Variants in KNDC1 observed in about 807,000 individuals in gnomAD.
KNDC1 encodes kinase non-catalytic C-lobe domain containing 1.
Under a neutral mutation model 172.8 loss-of-function variants are expected in KNDC1, and 106 were observed. That is an observed-to-expected ratio of 0.61 (90% CI 0.52 to 0.72). The LOEUF (loss-of-function observed/expected upper bound fraction) is 0.72. Among genes scored for constraint, KNDC1 ranks in the 30% least tolerant of loss-of-function variants. The pLI is 0.00. For missense variants in KNDC1, 2,325 were observed against 2,394.5 expected (o/e 0.97, Z 0.61); for synonymous variants, 1,083 against 1,062.2 (o/e 1.02, Z -0.38).
At chr10:133,177,325 G>GGT (rs149142664) in intron 3 of KNDC1, among the ~76,000 whole-genome samples, 3,702 of 152,292 alleles carry the variant, frequency 0.024, 48 homozygotes, top group Middle Eastern at 0.034. Context: ...TATGTAGCGT[G>GGT]GTGTCATGCC....
At chr10:133,213,502 C>G in intron 24 of KNDC1, 143 bp from the exon 25 acceptor site, 1 of 674,582 alleles carries the variant, frequency 1.5e-6, no homozygotes, top group Non-Finnish European at 2.6e-6. Context: ...TGCAGCCGAC[C>G]CCTGTGGACT....
chr10:133,177,506 C>G, intron 3 of KNDC1, among the ~76,000 whole-genome samples: 1 of 149,466 alleles, frequency 6.7e-6, no homozygotes, highest in East Asian at 2.0e-4. Context: ...GTGTCATGGT[C>G]ATGTGTGTAA....
chr10:133,164,567 T>C (rs1264790293), intron 1 of KNDC1, among the ~76,000 whole-genome samples: 1 of 152,212 alleles, frequency 6.6e-6, no homozygotes, highest in Non-Finnish European at 1.5e-5. Context: ...CCCAAGTGTC[T>C]GCCACAGCCC....
In KNDC1 at chr10:133,224,836, G is replaced by C. The variant is rs747488566; in HGVS notation, c.5196G>C (p.Lys1732Asn). 1 of 1,614,084 alleles carries C rather than the reference G, an allele frequency of 6.2e-7. No homozygotes were observed. Among genetic ancestry groups the C allele is most frequent in the East Asian group, 2.2e-5 (1 of 44,878 alleles). The change falls in exon 30 of 30, where the codon AAG becomes AAC. Residue 1732 changes from lysine to asparagine, a missense_variant. Physicochemically the swap from Lys to Asn is moderately conservative, Grantham distance 94. Transcript: ENST00000304613. This position sits in a 1 kb window ranked among gnomAD's most constrained non-coding sequence, Gnocchi z 5.4. ...ACTTCCACCAGGTCTCCAGCGAGAAGCACTCACGGAAGATTCAGGACAAGC... is the reference window on the plus strand; with the variant it reads ...ACTTCCACCAGGTCTCCAGCGAGAACCACTCACGGAAGATTCAGGACAAGC... ...RANFHQVSSE[K>N]HSRKIQDKLR... is the part of the protein sequence containing the mutation.
At chr10:133,198,151 C>T (rs1854246354) in intron 12 of KNDC1, among the ~76,000 whole-genome samples, 186 bp from the exon 13 acceptor site, 1 of 152,224 alleles carries the variant, frequency 6.6e-6, no homozygotes, top group Non-Finnish European at 1.5e-5. Flanking sequence ...CTGGCCCTCC[C>T]CCAAGCACCA....
intron 2 of KNDC1, 105 bp downstream of exon 2, chr10:133,167,684 G>A (rs1228372111): frequency 3.7e-5 from 47 of 1,270,512 alleles, no homozygotes; most frequent in Non-Finnish European, 5.1e-5. Flanking sequence ...CTGGGAGCAT[G>A]CCCGGACCCG....
intron 17 of KNDC1, among the ~76,000 whole-genome samples, chr10:133,203,870 AC>A (rs1488567550): frequency 2.0e-5 from 3 of 152,342 alleles, no homozygotes; most frequent in Non-Finnish European, 2.9e-5. Flanking sequence ...CCCCCGACGG[AC>A]ATCGAGTCTG....
intron 3 of KNDC1, among the ~76,000 whole-genome samples, chr10:133,176,540 C>A (rs899424173): frequency 1.3e-5 from 2 of 152,110 alleles, no homozygotes; most frequent in East Asian, 3.9e-4. Context: ...TCTGGATGCT[C>A]GGCCGGGTTT....
chr10:133,189,859 C>G (rs764951843), intron 9 of KNDC1, 46 bp downstream of exon 9: 4 of 1,491,960 alleles, frequency 2.7e-6, no homozygotes, highest in Non-Finnish European at 3.7e-6. Flanking sequence ...CCCCAGCCCT[C>G]GGGGATGCCA....
At chr10:133,190,896 G>C (rs1169247619) in intron 9 of KNDC1, among the ~76,000 whole-genome samples, 3 of 152,212 alleles carry the variant, frequency 2.0e-5, no homozygotes, top group Non-Finnish European at 4.4e-5. Flanking sequence ...CAGTGGCTCT[G>C]TGTGCACTGT....
At chr10:133,180,218 TTG>T (rs746487948) in intron 3 of KNDC1, among the ~76,000 whole-genome samples, 2 of 152,210 alleles carry the variant, frequency 1.3e-5, no homozygotes, top group Non-Finnish European at 2.9e-5. Flanking sequence ...CAGCACACAG[TTG>T]TGTTTCCCTC....
chr10:133,217,920 C>G (rs1434924465), intron 26 of KNDC1, among the ~76,000 whole-genome samples: 1 of 152,116 alleles, frequency 6.6e-6, no homozygotes, highest in African/African-American at 2.4e-5. Context: ...ACTAAAAATA[C>G]AAAAATTATC....
chr10:133,201,350 C>T (rs929153783), intron 16 of KNDC1, 151 bp from the exon 17 acceptor site: 24 of 790,064 alleles, frequency 3.0e-5, no homozygotes, highest in African/African-American at 1.4e-4. Flanking sequence ...CACTGGGAGG[C>T]GGCAGCCGTG....
At chr10:133,178,159 G>A (rs1407180232) in intron 3 of KNDC1, among the ~76,000 whole-genome samples, 2 of 150,138 alleles carry the variant, frequency 1.3e-5, no homozygotes, top group African/African-American at 2.5e-5. Context: ...ACGGGCACAC[G>A]AGTGTATCCT....
At chr10:133,219,754 C>A (rs1845543043) in intron 28 of KNDC1, among the ~76,000 whole-genome samples, 1 of 152,230 alleles carries the variant, frequency 6.6e-6, no homozygotes, top group Admixed American at 6.5e-5. Flanking sequence ...GCCGTGAAAG[C>A]TTAAGACCCC....
intron 21 of KNDC1, 25 bp from the exon 22 acceptor site, chr10:133,211,397 C>T: frequency 2.5e-6 from 4 of 1,605,350 alleles, no homozygotes; most frequent in Non-Finnish European, 3.4e-6. Flanking sequence ...ATCCTGGCAG[C>T]TCAGCAGCTC....
intron 7 of KNDC1, 63 bp downstream of exon 7, chr10:133,188,716 A>ACACCCCCGCCGTCCCACACCC: frequency 2.6e-6 from 1 of 389,912 alleles, no homozygotes; most frequent in South Asian, 2.4e-5. Context: ...TCCACCCCCC[A>ACACCCCCGCCGTCCCACACCC]CCGCCGTCCC....
rs33923925 is a variant in KNDC1 at position 133,181,861 on chromosome 10, C to CACAG, written c.361-1483_361-1482insACAG. Among the ~76,000 whole-genome samples, 695 of 151,494 alleles carry CACAG rather than the reference C, an allele frequency of 4.6e-3. 6 individuals are homozygous for CACAG. Among genetic ancestry groups the CACAG allele is most frequent in the Middle Eastern group, 6.9e-3 (2 of 288 alleles). ...ACACACACACACACACACACACACA[C>CACAG]CAGACTGTGGAAGTGGAACCACCTG... is the stretch of plus-strand genomic sequence containing the variant. On this transcript the variant is annotated intron_variant, in intron 3 of 29. Coordinates refer to ENST00000304613, the MANE Select transcript of KNDC1 (RefSeq NM_152643.8).
intron 9 of KNDC1, among the ~76,000 whole-genome samples, chr10:133,190,645 T>C (rs1854052242): frequency 6.6e-6 from 1 of 152,220 alleles, no homozygotes; most frequent in Non-Finnish European, 1.5e-5. Flanking sequence ...CTGGGGATGT[T>C]GTCTAGAGAA....
Sources: allele counts gnomAD v4.1 joint callset (sites outside exome capture counted in the v4.1 genomes callset), GRCh38; gene constraint gnomAD v4.1.1; non-coding constraint Gnocchi (gnomAD v3.1); transcripts MANE v1.5; gene names NCBI Gene and HGNC (gene_info 2026-07-23, HGNC 2026-07-21).